Variants in TNFRSF21 observed in about 807,000 individuals in gnomAD.
TNFRSF21 encodes the protein tumor necrosis factor receptor superfamily member 21.
Under a neutral mutation model 45.6 loss-of-function variants are expected in TNFRSF21, and 19 were observed. That is an observed-to-expected ratio of 0.42 (90% CI 0.29 to 0.61). The LOEUF is 0.61. Among genes scored for constraint, TNFRSF21 ranks in the 20% least tolerant of loss-of-function variants. The pLI is 0.23. For missense variants in TNFRSF21, 737 were observed against 851.5 expected (o/e 0.87, Z 1.67); for synonymous variants, 314 against 335.5 (o/e 0.94, Z 0.70).
chr6:47,258,890 G>A lies in TNFRSF21; in HGVS notation c.1244-5369C>T, dbSNP rs1582327810. Reference sequence around the variant, plus strand: ...GTCATGACTCCTCAGCTCTGTTGGAGCATGAAAGCAGCCACCAACACCACA... The same window carrying A: ...GTCATGACTCCTCAGCTCTGTTGGAACATGAAAGCAGCCACCAACACCACA... On this transcript the variant is annotated intron_variant, in intron 3 of 5. Coordinates refer to ENST00000296861, the MANE Select transcript of TNFRSF21 (RefSeq NM_014452.5). Among the ~76,000 whole-genome samples, 4 of 152,306 alleles carry A rather than the reference G, an allele frequency of 2.6e-5. No homozygotes were observed. In the South Asian group the frequency reaches 8.3e-4, roughly 32 times the overall value.
intron 3 of TNFRSF21, among the ~76,000 whole-genome samples, chr6:47,255,625 C>G (rs993476942): frequency 6.6e-6 from 1 of 152,100 alleles, no homozygotes; most frequent in Non-Finnish European, 1.5e-5. Context: ...CCACACCCAG[C>G]TAATTTTTGT....
At position 47,307,079 on chromosome 6, in the gene TNFRSF21, A is replaced by G. The variant is rs1762950820; in HGVS notation, c.96+2337T>C. ...GCAGAATAAGAATGTGAAAGACAAA[A>G]GGCATTTCCTCCCCACCCTGGATGG... On this transcript the variant is annotated intron_variant, in intron 1 of 5. Transcript: ENST00000296861. Among the ~76,000 whole-genome samples, 4 of 152,298 alleles carry G rather than the reference A, an allele frequency of 2.6e-5. No homozygotes were observed. The South Asian group carries it at 8.3e-4, about 32-fold the overall frequency.
chr6:47,274,314 G>T (rs1762465820), intron 3 of TNFRSF21, among the ~76,000 whole-genome samples: 1 of 152,052 alleles, frequency 6.6e-6, no homozygotes. Context: ...ACAGAACACA[G>T]GCCTCAGAAA....
chr6:47,270,398 C>T (rs1762397932), intron 3 of TNFRSF21, among the ~76,000 whole-genome samples: 2 of 152,172 alleles, frequency 1.3e-5, no homozygotes, highest in African/African-American at 4.8e-5. Context: ...CCAGCAAAAT[C>T]CAACAGACCT....
At chr6:47,308,128 G>A (rs1762965928) in intron 1 of TNFRSF21, among the ~76,000 whole-genome samples, 1 of 152,238 alleles carries the variant, frequency 6.6e-6, no homozygotes, top group Non-Finnish European at 1.5e-5. Flanking sequence ...TTTCTGAAGG[G>A]AGACTGGGAC....
At position 47,232,842 on chromosome 6, in the gene TNFRSF21, T is replaced by G. The variant is rs780593690; in HGVS notation, c.1891A>C (p.Ile631Leu). 2 of 1,614,172 alleles carry G rather than the reference T, an allele frequency of 1.2e-6. No individual in the cohort carries two copies. Among genetic ancestry groups the G allele is most frequent in the South Asian group, 2.2e-5 (2 of 91,078 alleles). Residue 631 changes from isoleucine to leucine, a missense_variant, in exon 6 of 6, where the codon ATT becomes CTT. Coordinates refer to ENST00000296861, the MANE Select transcript of TNFRSF21 (RefSeq NM_014452.5). ...GCTTCCTGGCTCTTGACTCCAATAA[T>G]TTCGAATAGCCGGTCTAGTTTGTCC... ...AEDKLDRLFE[I>L]IGVKSQEASQ...
At chr6:47,282,787 G>C (rs1762588511) in intron 3 of TNFRSF21, among the ~76,000 whole-genome samples, 1 of 152,032 alleles carries the variant, frequency 6.6e-6, no homozygotes, top group African/African-American at 2.4e-5. Flanking sequence ...CACTTTCCTG[G>C]CTAAAATCAA....
At chr6:47,239,832 T>C (rs1479911631) in intron 4 of TNFRSF21, among the ~76,000 whole-genome samples, 1 of 152,180 alleles carries the variant, frequency 6.6e-6, no homozygotes, top group Admixed American at 6.5e-5. Context: ...CTTGTCTTAC[T>C]GTTGCTATTT....
Position 47,286,417 on chromosome 6 carries a change from G to A in TNFRSF21, c.275C>T (p.Pro92Leu). The change falls in exon 2 of 6, where the codon CCT becomes CTT. Residue 92 changes from proline to leucine, a missense_variant. By Grantham distance (98) the Pro-to-Leu change is moderately conservative. Transcript: ENST00000296861. The stretch of plus-strand genomic sequence containing the variant: ...CTCATGCCTGGTAAAGGTCCCCACA[G>A]GGCAACTGCTGCAGACGCGCAGGCT... ...NTSLRVCSSC[P>L]VGTFTRHENG... 1 of 1,614,240 alleles carries A rather than the reference G, an allele frequency of 6.2e-7. No homozygotes were observed.
Position 47,240,076 on chromosome 6 carries a change from C to A in TNFRSF21, c.1510-5178G>T, listed in dbSNP as rs369202346. Among the ~76,000 whole-genome samples the A allele has an allele frequency of 8.5e-5, 13 of 152,288 alleles. 1 individual carries two copies. The highest frequency in any genetic ancestry group is 3.1e-4 in the African/African-American group (13 of 41,566). On this transcript the variant is annotated intron_variant, in intron 4 of 5. Transcript: ENST00000296861. The stretch of plus-strand genomic sequence containing the variant: ...GCCCAGCCTGGATGCTCTTTGCCAG[C>A]CTGCTAAAATGGTTCCATTTAACCC...
At chr6:47,275,196 A>G (rs1357953356) in intron 3 of TNFRSF21, among the ~76,000 whole-genome samples, 2 of 152,252 alleles carry the variant, frequency 1.3e-5, no homozygotes, top group Non-Finnish European at 2.9e-5. Flanking sequence ...CTATAAAGAT[A>G]CATGCACACA....
intron 3 of TNFRSF21, among the ~76,000 whole-genome samples, chr6:47,255,716 G>A (rs1285967157): frequency 6.6e-6 from 1 of 152,134 alleles, no homozygotes; most frequent in East Asian, 1.9e-4. Flanking sequence ...GCCTGCCTTG[G>A]CCTCCCAAAG....
chr6:47,299,568 C>T (rs1157731538), intron 1 of TNFRSF21, among the ~76,000 whole-genome samples: 1 of 152,006 alleles, frequency 6.6e-6, no homozygotes, highest in Non-Finnish European at 1.5e-5. Flanking sequence ...TAAAATAAAA[C>T]TAAAAATGTA....
chr6:47,261,656 T>C (rs1011300549), intron 3 of TNFRSF21, among the ~76,000 whole-genome samples: 16 of 152,246 alleles, frequency 1.1e-4, no homozygotes, highest in Admixed American at 7.9e-4. Flanking sequence ...CCTCTCCCTC[T>C]GCCAGTGCCC....
At chr6:47,255,979 TTTGCACCCATCAG>T (rs1764983013) in intron 3 of TNFRSF21, among the ~76,000 whole-genome samples, 2 of 152,150 alleles carry the variant, frequency 1.3e-5, no homozygotes, top group South Asian at 4.1e-4. Flanking sequence ...AAAAATATTT[TTTGCACCCATCAG>T]TTGTTCAGGA....
chr6:47,291,894 G>C (rs1762734544), intron 1 of TNFRSF21, among the ~76,000 whole-genome samples: 2 of 152,238 alleles, frequency 1.3e-5, no homozygotes, highest in African/African-American at 4.8e-5. Flanking sequence ...CTGAGAGGAA[G>C]AGTTGGCAAC....
intron 5 of TNFRSF21, among the ~76,000 whole-genome samples, 165 bp downstream of exon 5, chr6:47,234,505 A>G (rs1764633078): frequency 6.6e-6 from 1 of 151,992 alleles, no homozygotes; most frequent in Non-Finnish European, 1.5e-5. Context: ...TGGCGAGGTT[A>G]CTCTCGGGCC....
intron 3 of TNFRSF21, among the ~76,000 whole-genome samples, chr6:47,262,736 T>C (rs934325264): frequency 1.3e-5 from 2 of 151,994 alleles, no homozygotes; most frequent in South Asian, 2.1e-4. Context: ...AGGAAGGGTA[T>C]TGGCATGGAC....
chr6:47,238,091 T>C (rs899496089), intron 4 of TNFRSF21, among the ~76,000 whole-genome samples: 7 of 152,184 alleles, frequency 4.6e-5, no homozygotes, highest in African/African-American at 1.7e-4. Context: ...CTTTGACAGC[T>C]AGAAAATCAA....
Sources: allele counts gnomAD v4.1 joint callset (sites outside exome capture counted in the v4.1 genomes callset), GRCh38; gene constraint gnomAD v4.1.1; transcripts MANE v1.5; gene names NCBI Gene and HGNC (gene_info 2026-07-23, HGNC 2026-07-21).